Variants in ZNF230 observed in about 807,000 individuals in gnomAD.
The protein encoded by ZNF230 is zinc finger protein FDZF2.
Under a neutral mutation model 10.0 loss-of-function variants are expected in ZNF230, and 12 were observed. The observed-to-expected ratio is 1.20, with a 90% CI of 0.77 to 1.95. The LOEUF is 1.95. ZNF230 is among the 30% of genes most tolerant of loss of function. ZNF230 has a pLI of 0.00. For missense variants in ZNF230, 532 were observed against 565.8 expected (o/e 0.94, Z 0.61); for synonymous variants, 174 against 193.6 (o/e 0.90, Z 0.84).
At position 44,012,550 on chromosome 19, in the gene ZNF230, C is replaced by A; in HGVS notation, c.*1086C>A. On this transcript the variant is annotated 3_prime_UTR_variant, in exon 5 of 5. Transcript: ENST00000429154. ...GCAAACAGAACTTACGCTTGTCATT[C>A]AGGAGACAGGCCTTAGAATAAGAGT... 1 of 499,976 alleles carries A rather than the reference C, an allele frequency of 2.0e-6. No homozygotes were observed. Among genetic ancestry groups the A allele is most frequent in the Non-Finnish European group, 4.0e-6 (1 of 251,006 alleles). 31.0% of individuals were successfully genotyped at this position (499,976 alleles called of 1,614,324 possible). A position where few individuals can be genotyped will look rare whatever the true frequency, so the allele number is the denominator to read the frequency against.
At chr19:44,010,121 G>C in intron 4 of ZNF230, 148 bp from the exon 5 acceptor site, 1 of 711,946 alleles carries the variant, frequency 1.4e-6, no homozygotes, top group Non-Finnish European at 2.2e-6. Context: ...TTATAAATTG[G>C]TCACATACAA....
At position 44,013,191 on chromosome 19, in the gene ZNF230, G is replaced by T. The variant is rs1250449991; in HGVS notation, c.*1727G>T. On this transcript the variant is annotated 3_prime_UTR_variant, in exon 5 of 5. Transcript: ENST00000429154. ...TTGATATAATGGCCTTCTAATTGTG[G>T]TAGCATTTATTTTATCAAACAACTC... 6.6e-6 allele frequency: 1 copy of T among 152,148 alleles called. No individual in the cohort carries two copies. The highest frequency in any genetic ancestry group is 1.5e-5 in the Non-Finnish European group (1 of 68,030). 9.4% of individuals were successfully genotyped at this position (152,148 alleles called of 1,614,324 possible). A position where few individuals can be genotyped will look rare whatever the true frequency, so the allele number is the denominator to read the frequency against.
rs1396100711 is a variant in ZNF230, at chr19:44,011,145, G to A, written c.1106G>A (p.Cys369Tyr). 6.2e-7 allele frequency: 1 copy of A among 1,614,224 alleles called. No individual in the cohort carries two copies. Among genetic ancestry groups the A allele is most frequent in the Admixed American group, 1.7e-5 (1 of 60,026 alleles). The change falls in exon 5 of 5, where the codon TGT (cysteine) becomes TAT (tyrosine). Residue 369 changes from cysteine (C) to tyrosine (Y), a missense_variant. Transcript: ENST00000429154. The stretch of plus-strand genomic sequence containing the variant: ...GAAAAACCATACAGATGTGAGGAGT[G>A]TGGGAAGGGCTACATTAGTAAGTCA... ...SGEKPYRCEECGKGYISKSGL... is the reference protein window; with the variant it reads ...SGEKPYRCEEYGKGYISKSGL...
chr19:44,010,806 A>G lies in ZNF230; in HGVS notation c.767A>G (p.Lys256Arg). ...GGAGAGAAACCTTATATTTGTGAGAAATGTGGGAGGGCCTTCATTCACGAT... is the reference window on the plus strand; with the variant it reads ...GGAGAGAAACCTTATATTTGTGAGAGATGTGGGAGGGCCTTCATTCACGAT... ...HTGEKPYICE[K>R]CGRAFIHDFQ... The change falls in exon 5 of 5, where the codon AAA becomes AGA. Residue 256 changes from lysine to arginine, a missense_variant. Coordinates refer to ENST00000429154, the MANE Select transcript of ZNF230 (RefSeq NM_006300.4). 3 of 1,614,232 alleles carry G rather than the reference A, an allele frequency of 1.9e-6. No homozygotes were observed. Among genetic ancestry groups the G allele is most frequent in the Non-Finnish European group, 2.5e-6 (3 of 1,180,036 alleles).
At position 44,010,790 on chromosome 19, in the gene ZNF230, C is replaced by A. The variant is rs1273944357; in HGVS notation, c.751C>A (p.Pro251Thr). 1 of 1,614,170 alleles carries A rather than the reference C, an allele frequency of 6.2e-7. No individual in the cohort carries two copies. The highest frequency in any genetic ancestry group is 8.5e-7 in the Non-Finnish European group (1 of 1,180,020). The change falls in exon 5 of 5, where the codon CCT (proline) becomes ACT (threonine). Residue 251 changes from proline to threonine, a missense_variant. Pro to Thr is a conservative substitution (Grantham distance 38). Coordinates refer to ENST00000429154, the MANE Select transcript of ZNF230 (RefSeq NM_006300.4). ...CTGCAAATTACACACAGGAGAGAAA[C>A]CTTATATTTGTGAGAAATGTGGGAG... ...VHCKLHTGEK[P>T]YICEKCGRAF... is the part of the protein sequence containing the mutation.
chr19:44,003,743 C>CT (rs774090345), intron 1 of ZNF230: 6 of 214,962 alleles, frequency 2.8e-5, no homozygotes, highest in Admixed American at 8.4e-5. Flanking sequence ...GGGCAAATCT[C>CT]TATGTGATTG....
chr19:44,010,141 C>G (rs1161153130), intron 4 of ZNF230, 128 bp from the exon 5 acceptor site: 2 of 915,944 alleles, frequency 2.2e-6, no homozygotes, highest in East Asian at 2.7e-5. Context: ...AACCAGAAAA[C>G]AAGATTCATG....
rs451388 is a variant in ZNF230, at chr19:44,002,969, G to A, written c.-207G>A. ...GAGCACTTCCGGTGTGTGAGCCTGC[G>A]GTTGCTACATAACCGCGTAGTTTGA... is the stretch of plus-strand genomic sequence containing the variant. On this transcript the variant is annotated 5_prime_UTR_variant, in exon 1 of 5. Transcript: ENST00000429154. The A allele has an allele frequency of 4.6e-5, 7 of 152,002 alleles. No homozygotes were observed. The highest frequency in any genetic ancestry group is 1.0e-4 in the Non-Finnish European group (7 of 68,036). 9.4% of individuals were successfully genotyped at this position (152,002 alleles called of 1,614,324 possible). A position where few individuals can be genotyped will look rare whatever the true frequency, so the allele number is the denominator to read the frequency against.
intron 2 of ZNF230, 119 bp downstream of exon 2, chr19:44,007,212 G>T: frequency 2.2e-6 from 2 of 895,130 alleles, no homozygotes; most frequent in South Asian, 2.5e-5. Flanking sequence ...CCTGTTGTGT[G>T]CCAGTTGCTT....
In ZNF230 at chr19:44,007,060, C is replaced by G. The variant is rs776770831; in HGVS notation, c.-19C>G. Reference sequence around the variant, plus strand: ...TCCATTACTCAAGACACTGAAGACTCCAAAAAGTAGTAGGAAAAATGACCA... The same window carrying G: ...TCCATTACTCAAGACACTGAAGACTGCAAAAAGTAGTAGGAAAAATGACCA... On this transcript the variant is annotated 5_prime_UTR_variant, in exon 2 of 5. Coordinates refer to ENST00000429154, the MANE Select transcript of ZNF230 (RefSeq NM_006300.4). The G allele has an allele frequency of 6.9e-6, 11 of 1,602,982 alleles. No individual in the cohort carries two copies. The African/African-American group carries it at 1.1e-4, about 16-fold the overall frequency.
Position 44,011,318 on chromosome 19 carries a change from A to G in ZNF230, c.1279A>G (p.Lys427Glu). Residue 427 changes from lysine (K) to glutamate (E), a missense_variant, in exon 5 of 5, where the codon AAG (lysine) becomes GAG (glutamate). Physicochemically the swap from Lys to Glu is moderately conservative, Grantham distance 56. Coordinates refer to ENST00000429154, the MANE Select transcript of ZNF230 (RefSeq NM_006300.4). ...KKPFKCEDCG[K>E]RLVHRSFCKD... ...ACCCTTCAAATGTGAGGATTGTGGA[A>G]AGAGGCTTGTACACCGGTCTTTCTG... is the stretch of plus-strand genomic sequence containing the variant. 6.2e-7 allele frequency: 1 copy of G among 1,614,188 alleles called. No individual in the cohort carries two copies. Among genetic ancestry groups the G allele is most frequent in the Non-Finnish European group, 8.5e-7 (1 of 1,180,006 alleles).
chr19:44,009,338 A>G (rs758127499), intron 4 of ZNF230, 168 bp downstream of exon 4: 15 of 739,416 alleles, frequency 2.0e-5, no homozygotes, highest in Non-Finnish European at 3.1e-5. Context: ...CCACCCTGAC[A>G]TCTATTTTCC....
rs1016669230 is a variant in ZNF230 at position 44,012,356 on chromosome 19, G to A, written c.*892G>A. The A allele has an allele frequency of 3.9e-5, 20 of 517,568 alleles. No individual in the cohort carries two copies. Among genetic ancestry groups the A allele is most frequent in the Admixed American group, 3.1e-4 (16 of 51,424 alleles). 32.1% of individuals were successfully genotyped at this position (517,568 alleles called of 1,614,324 possible). A position where few individuals can be genotyped will look rare whatever the true frequency, so the allele number is the denominator to read the frequency against. On this transcript the variant is annotated 3_prime_UTR_variant, in exon 5 of 5. Coordinates refer to ENST00000429154, the MANE Select transcript of ZNF230 (RefSeq NM_006300.4). Reference sequence around the variant, plus strand: ...GCATATGGTAAGCACTTCAGTGTGTGTTTATATCATAATTTATCACAGTCC... The same window carrying A: ...GCATATGGTAAGCACTTCAGTGTGTATTTATATCATAATTTATCACAGTCC...
At chr19:44,009,218 T>G in intron 4 of ZNF230, 48 bp downstream of exon 4, 4 of 1,592,706 alleles carry the variant, frequency 2.5e-6, no homozygotes, top group Non-Finnish European at 3.4e-6. Flanking sequence ...TTCTTTCCCA[T>G]TTGTTTTACT....
chr19:44,012,087 T>G lies in ZNF230; in HGVS notation c.*623T>G, dbSNP rs1197567058. 7.9e-6 allele frequency: 2 copies of G among 252,032 alleles called. No homozygotes were observed. Among genetic ancestry groups the G allele is most frequent in the Non-Finnish European group, 1.6e-5 (2 of 128,002 alleles). 15.6% of individuals were successfully genotyped at this position (252,032 alleles called of 1,614,324 possible). On this transcript the variant is annotated 3_prime_UTR_variant, in exon 5 of 5. Coordinates refer to ENST00000429154, the MANE Select transcript of ZNF230 (RefSeq NM_006300.4). ...ATACTGATTTCCTTTGCTTTGGATATACTCAATAGTGGGATTGCTAGATCA... is the reference window on the plus strand; with the variant it reads ...ATACTGATTTCCTTTGCTTTGGATAGACTCAATAGTGGGATTGCTAGATCA...
chr19:44,007,198 G>A (rs1434006878), intron 2 of ZNF230, 105 bp downstream of exon 2: 3 of 1,106,912 alleles, frequency 2.7e-6, no homozygotes, highest in African/African-American at 3.1e-5. Context: ...ATGGGCATTT[G>A]GGACCTGTTG....
In ZNF230 at chr19:44,005,903, TAA is replaced by T. The variant is rs1976118332; in HGVS notation, c.-68-1106_-68-1105del. 2.0e-5 allele frequency among the ~76,000 whole-genome samples: 3 copies of T among 152,174 alleles called. No individual in the cohort carries two copies. The South Asian group carries it at 6.2e-4, about 32-fold the overall frequency. ...GACTCTGTCTCAAAAAATAAAAAAA[TAA>T]AGTCCTTATGACTGTGTCCCCTACC... On this transcript the variant is annotated intron_variant, in intron 1 of 4. Transcript: ENST00000429154.
chr19:44,005,699 G>A (rs968825524), intron 1 of ZNF230, among the ~76,000 whole-genome samples: 10 of 152,064 alleles, frequency 6.6e-5, no homozygotes, highest in African/African-American at 2.4e-4. Context: ...GACCAGCCTG[G>A]CCAACATGGT....
At chr19:44,004,915 A>C (rs1331339694) in intron 1 of ZNF230, among the ~76,000 whole-genome samples, 1 of 151,666 alleles carries the variant, frequency 6.6e-6, no homozygotes, top group Non-Finnish European at 1.5e-5. Context: ...CAGGAGATCG[A>C]GACCATCCTG....
Sources: gnomAD v4.1 joint callset for allele counts (sites outside exome capture counted in the v4.1 genomes callset) on GRCh38, gnomAD v4.1.1 for gene constraint, MANE v1.5 for transcripts, NCBI Gene and HGNC (gene_info 2026-07-23, HGNC 2026-07-21) for gene names.